The following TEX14 variants were observed in gnomAD, a reference collection of about 807,000 sequenced individuals.
TEX14 encodes inactive serine/threonine-protein kinase TEX14.
TEX14 carries 168 observed loss-of-function variants against 178.6 expected under a neutral mutation model. The ratio of observed to expected loss-of-function variants is 0.94; its 90% CI spans 0.83 to 1.07. The LOEUF (loss-of-function observed/expected upper bound fraction) is 1.07. TEX14 is among the 50% of genes least tolerant of loss of function. The probability of loss-of-function intolerance (pLI) is 0.00; values close to 1 mark genes in which losing one functional copy is unlikely to be tolerated. For synonymous variants in TEX14, 626 were observed against 634.1 expected (o/e 0.99, Z 0.19); for missense variants, 1,730 against 1,753.6 (o/e 0.99, Z 0.24).
At chr17:58,665,933 G>T (rs974220941) in intron 1 of TEX14, among the ~76,000 whole-genome samples, 1 of 150,764 alleles carries the variant, frequency 6.6e-6, no homozygotes, top group African/African-American at 2.4e-5. Context: ...TGTATTCCCA[G>T]CTCTACTCAG....
At chr17:58,588,680 C>T (rs1264387376) in intron 15 of TEX14, among the ~76,000 whole-genome samples, 1 of 152,152 alleles carries the variant, frequency 6.6e-6, no homozygotes, top group Non-Finnish European at 1.5e-5. Flanking sequence ...CCTGACCTAC[C>T]ACTAGGTTAC....
In TEX14 at chr17:58,598,915, G is replaced by A; in HGVS notation, c.2430C>T (p.Thr810=). The A allele has an allele frequency of 6.2e-7, 1 of 1,613,570 alleles. No homozygotes were observed. Among genetic ancestry groups the A allele is most frequent in the Non-Finnish European group, 8.5e-7 (1 of 1,179,762 alleles). Residue 810 remains threonine (T), a synonymous_variant, in exon 14 of 32, where the codon ACC becomes ACT. Transcript: ENST00000349033. ...LQLSGGQKPD[T]SGNYPTLPRF... is the part of the protein sequence containing the mutation. Reference sequence around the variant, plus strand: ...TTGGTAGGGTTGGGTAGTTGCCACTGGTGTCTGGCTTCTGACCCCCTGAAA... The same window carrying A: ...TTGGTAGGGTTGGGTAGTTGCCACTAGTGTCTGGCTTCTGACCCCCTGAAA...
At chr17:58,617,645 AAC>A (rs2045903687) in intron 5 of TEX14, 26 bp from the exon 6 acceptor site, 1 of 1,565,426 alleles carries the variant, frequency 6.4e-7, no homozygotes, top group African/African-American at 1.4e-5. Flanking sequence ...ACAGGAAAAA[AAC>A]CTCAGAATTA....
chr17:58,561,846 G>C (rs577784275), intron 28 of TEX14, among the ~76,000 whole-genome samples: 2 of 152,156 alleles, frequency 1.3e-5, no homozygotes, highest in East Asian at 3.9e-4. Context: ...AGCACTTTGG[G>C]AGGCCAAGGT....
At chr17:58,565,648 G>A (rs2044381197) in intron 27 of TEX14, 99 bp downstream of exon 27, 1 of 782,130 alleles carries the variant, frequency 1.3e-6, no homozygotes, top group Non-Finnish European at 2.2e-6. Context: ...AGGTGGAGTT[G>A]TGCCTGACCT....
intron 21 of TEX14, among the ~76,000 whole-genome samples, chr17:58,576,430 G>A (rs1013493256): frequency 6.6e-6 from 1 of 151,412 alleles, no homozygotes; most frequent in Non-Finnish European, 1.5e-5. Flanking sequence ...GTTGCAGTGA[G>A]CTGAGATCAC....
At position 58,631,827 on chromosome 17, in the gene TEX14, A is replaced by C. The variant is rs1212741965; in HGVS notation, c.137-1273T>G. 2.0e-5 allele frequency: 3 copies of C among 148,860 alleles called. No individual in the cohort carries two copies. The East Asian group carries it at 5.8e-4, about 29-fold the overall frequency. The allele number at this position is 148,860 out of a possible 1,614,324, so 9.2% of individuals were successfully genotyped here. Reference sequence around the variant, plus strand: ...CACACTATAGAAATTATCCCTCAAAATATAGTCTTAATGTCCATTTATGTG... The same window carrying C: ...CACACTATAGAAATTATCCCTCAAACTATAGTCTTAATGTCCATTTATGTG... On this transcript the variant is annotated intron_variant, in intron 2 of 31. Coordinates refer to ENST00000349033, the MANE Select transcript of TEX14 (RefSeq NM_031272.5).
rs1006817299 is a variant in TEX14 at position 58,599,307 on chromosome 17, T to C, written c.2038A>G (p.Ser680Gly). ...EACCFGSEDE[S>G]SSKAETEYSF... The stretch of plus-strand genomic sequence containing the variant: ...TACTCTGTCTCAGCTTTTGAAGAGC[T>C]CTCATCCTCACTGCCAAAACAACAC... Residue 680 changes from serine (S) to glycine (G), a missense_variant, in exon 14 of 32, where the codon AGC (serine) becomes GGC (glycine). Around this residue, in one of 2 missense-constraint regions of TEX14, gnomAD observed 941 missense variants for 1,072.4 expected, o/e 0.88. Coordinates refer to ENST00000349033, the MANE Select transcript of TEX14 (RefSeq NM_031272.5). The C allele has an allele frequency of 1.2e-6, 2 of 1,613,560 alleles. No individual in the cohort carries two copies. Among genetic ancestry groups the C allele is most frequent in the Non-Finnish European group, 1.7e-6 (2 of 1,180,034 alleles).
In TEX14 at chr17:58,599,107, A is replaced by G. The variant is rs2144469123; in HGVS notation, c.2238T>C (p.Asp746=). ...IMQTIMHEND[D]RLRNIEQILD... ...ATATCTGCTCGATATTCCTCAGCCTATCATCATTCTCGTGCATTATTGTCT... is the reference window on the plus strand; with the variant it reads ...ATATCTGCTCGATATTCCTCAGCCTGTCATCATTCTCGTGCATTATTGTCT... Residue 746 remains aspartate, a synonymous_variant, in exon 14 of 32, where the codon GAT becomes GAC. Transcript: ENST00000349033. The G allele has an allele frequency of 1.2e-6, 2 of 1,613,964 alleles. No homozygotes were observed. Among genetic ancestry groups the G allele is most frequent in the South Asian group, 1.1e-5 (1 of 91,082 alleles).
intron 4 of TEX14, among the ~76,000 whole-genome samples, chr17:58,622,182 C>A (rs546182844): frequency 2.0e-5 from 3 of 152,312 alleles, no homozygotes; most frequent in Admixed American, 2.0e-4. Flanking sequence ...TGCAGTGGCT[C>A]ATGCCTGTAA....
At chr17:58,571,129 A>G (rs527262380) in intron 24 of TEX14, among the ~76,000 whole-genome samples, 1 of 152,194 alleles carries the variant, frequency 6.6e-6, no homozygotes, top group Non-Finnish European at 1.5e-5. Flanking sequence ...AAATGAACAC[A>G]TAAAATTCCT....
chr17:58,612,043 T>G (rs1275942545), intron 9 of TEX14, among the ~76,000 whole-genome samples: 2 of 152,078 alleles, frequency 1.3e-5, no homozygotes, highest in African/African-American at 4.8e-5. Flanking sequence ...ACCTAAATAC[T>G]CCAAGAGCTC....
At chr17:58,583,985 G>T (rs1368380108) in intron 19 of TEX14, among the ~76,000 whole-genome samples, 2 of 152,192 alleles carry the variant, frequency 1.3e-5, no homozygotes, top group African/African-American at 4.8e-5. Context: ...CTATGGCCTA[G>T]AGTGTGTTAA....
chr17:58,668,308 A>G (rs943382253), intron 1 of TEX14, among the ~76,000 whole-genome samples: 1 of 152,166 alleles, frequency 6.6e-6, no homozygotes, highest in South Asian at 2.1e-4. Context: ...CTCTATACCT[A>G]TCCTGATGGT....
chr17:58,609,574 A>G (rs1355590103), intron 10 of TEX14, among the ~76,000 whole-genome samples: 1 of 152,066 alleles, frequency 6.6e-6, no homozygotes, highest in Non-Finnish European at 1.5e-5. Flanking sequence ...AAAATCATCC[A>G]TGACCCTATA....
chr17:58,606,770 G>A (rs186707749), intron 10 of TEX14, among the ~76,000 whole-genome samples: 44 of 151,690 alleles, frequency 2.9e-4, no homozygotes, highest in Middle Eastern at 3.4e-3. Context: ...GCTCATGCCT[G>A]TAATCCCAGC....
intron 27 of TEX14, among the ~76,000 whole-genome samples, chr17:58,565,280 A>G (rs1658448635): frequency 6.6e-6 from 1 of 152,242 alleles, no homozygotes; most frequent in Non-Finnish European, 1.5e-5. Context: ...GAGGCAAGCA[A>G]CCATGAAAAC....
chr17:58,611,016 A>G, intron 10 of TEX14, 145 bp downstream of exon 10: 2 of 628,532 alleles, frequency 3.2e-6, no homozygotes, highest in South Asian at 2.2e-5. Context: ...CAGACAGGGT[A>G]AGGCATTTGG....
At chr17:58,611,638 C>CT (rs2144516023) in intron 9 of TEX14, among the ~76,000 whole-genome samples, 1 of 152,334 alleles carries the variant, frequency 6.6e-6, no homozygotes, top group African/African-American at 2.4e-5. Flanking sequence ...TTGGGGAAAA[C>CT]TGACAGGGGA....
Sources: gnomAD v4.1 joint callset for allele counts (sites outside exome capture counted in the v4.1 genomes callset) on GRCh38, gnomAD v4.1.1 for gene constraint, gnomAD v4.1.1 regional missense constraint, MANE v1.5 for transcripts, NCBI Gene and HGNC (gene_info 2026-07-23, HGNC 2026-07-21) for gene names.